Variants in LRRTM4 observed in about 807,000 individuals in gnomAD.
LRRTM4 encodes the protein leucine-rich repeat transmembrane neuronal protein 4.
In LRRTM4, 25 loss-of-function variants were observed where a neutral mutation model predicts 47.6. The observed-to-expected ratio is 0.53, with a 90% CI of 0.38 to 0.73. The LOEUF (loss-of-function observed/expected upper bound fraction) is 0.73, where lower values mean the gene tolerates loss of function less well. Ranked by LOEUF, LRRTM4 falls within the 30% of genes least tolerant of loss-of-function variation. The pLI, the probability that LRRTM4 is intolerant of heterozygous loss-of-function variation, is 0.00. For synonymous variants in LRRTM4, 311 were observed against 269.5 expected, an observed-to-expected ratio of 1.15 and a Z score of -1.51; for missense variants, 638 against 713.4, an observed-to-expected ratio of 0.89 and a Z score of 1.20.
At chr2:77,421,701 C>A (rs1213241442) in intron 3 of LRRTM4, among the ~76,000 whole-genome samples, 1 of 148,804 alleles carries the variant, frequency 6.7e-6, no homozygotes, top group Non-Finnish European at 1.5e-5. Context: ...AGGGAGACTC[C>A]ATCTCAAAAA....
At chr2:77,094,927 A>T (rs949209160) in intron 3 of LRRTM4, among the ~76,000 whole-genome samples, 1 of 152,216 alleles carries the variant, frequency 6.6e-6, no homozygotes, top group Admixed American at 6.5e-5. Flanking sequence ...AAAAATAGAC[A>T]AACTAGATTG....
intron 3 of LRRTM4, among the ~76,000 whole-genome samples, chr2:77,184,824 A>G (rs1558623620): frequency 6.6e-6 from 1 of 152,182 alleles, no homozygotes; most frequent in Non-Finnish European, 1.5e-5. Flanking sequence ...AAAAACCAGA[A>G]AGATACTCTG....
At chr2:77,421,706 CA>C (rs1292134203) in intron 3 of LRRTM4, among the ~76,000 whole-genome samples, 60 of 139,322 alleles carry the variant, frequency 4.3e-4, no homozygotes, top group Admixed American at 5.1e-4. Context: ...GACTCCATCT[CA>C]AAAAAAAAAA....
intron 3 of LRRTM4, among the ~76,000 whole-genome samples, chr2:77,271,981 T>C (rs922101783): frequency 1.3e-5 from 2 of 152,144 alleles, no homozygotes; most frequent in African/African-American, 2.4e-5. Flanking sequence ...ATACTTGCTG[T>C]GTTCATTTGC....
intron 3 of LRRTM4, among the ~76,000 whole-genome samples, chr2:76,910,024 C>G (rs1673992652): frequency 6.6e-6 from 1 of 152,124 alleles, no homozygotes; most frequent in Non-Finnish European, 1.5e-5. Flanking sequence ...GTAAATCATG[C>G]TGCTATAAAG....
intron 3 of LRRTM4, among the ~76,000 whole-genome samples, chr2:77,266,859 T>C (rs1394200801): frequency 1.3e-5 from 2 of 152,060 alleles, no homozygotes; most frequent in African/African-American, 4.8e-5. Flanking sequence ...CAGAGACCTT[T>C]CCCTCTTCTC....
intron 3 of LRRTM4, among the ~76,000 whole-genome samples, chr2:77,464,577 G>A (rs1000546476): frequency 6.6e-6 from 1 of 151,448 alleles, no homozygotes; most frequent in African/African-American, 2.4e-5. Flanking sequence ...TCTTAATTTG[G>A]GCTGTGCACA....
intron 3 of LRRTM4, among the ~76,000 whole-genome samples, chr2:76,907,762 C>G (rs905328212): frequency 7.1e-5 from 9 of 127,316 alleles, no homozygotes; most frequent in South Asian, 2.6e-4. Context: ...ATAAATTCCT[C>G]GACACATACA....
At chr2:77,218,760 A>G (rs563165084) in intron 3 of LRRTM4, among the ~76,000 whole-genome samples, 41 of 152,262 alleles carry the variant, frequency 2.7e-4, no homozygotes, top group African/African-American at 8.9e-4. Flanking sequence ...CAATATAGTA[A>G]GCTTTAATAA....
rs373702438 is a variant in LRRTM4 at position 76,834,874 on chromosome 2, A to G, written c.1552-85958T>C. On this transcript the variant is annotated intron_variant, in intron 3 of 3. Coordinates refer to ENST00000409884, the MANE Select transcript of LRRTM4 (RefSeq NM_001134745.3). ...AATGCCAAGTGAAATTTTGTAGACC[A>G]TGACCAAGAAGAGTTTTTCAGAAGA... Among the ~76,000 whole-genome samples the G allele has an allele frequency of 4.6e-5, 7 of 152,264 alleles. No individual in the cohort carries two copies. In the South Asian group the frequency reaches 1.0e-3, roughly 23 times the overall value.
rs188615490 is a variant in LRRTM4, at chr2:77,110,287, T to G, written c.1552-361371A>C. ...TGAAACTAGTTGGCAACCTAGAATT[T>G]ATGTTCAGCAAAACCACTGTATAAA... is the stretch of plus-strand genomic sequence containing the variant. On this transcript the variant is annotated intron_variant, in intron 3 of 3. Transcript: ENST00000409884. 1.2e-4 allele frequency among the ~76,000 whole-genome samples: 19 copies of G among 152,280 alleles called. No individual in the cohort carries two copies. In the East Asian group the frequency reaches 3.5e-3, roughly 28 times the overall value.
intron 3 of LRRTM4, among the ~76,000 whole-genome samples, chr2:77,095,660 C>T (rs1670792145): frequency 6.6e-6 from 1 of 151,938 alleles, no homozygotes; most frequent in African/African-American, 2.4e-5. Flanking sequence ...CTCAGTTAGC[C>T]ACCACGCCCG....
intron 3 of LRRTM4, among the ~76,000 whole-genome samples, chr2:77,036,347 C>A (rs1490670314): frequency 1.3e-5 from 2 of 151,580 alleles, no homozygotes; most frequent in Non-Finnish European, 3.0e-5. Flanking sequence ...TATTATTATC[C>A]TAGTTTAGGG....
chr2:77,041,885 T>A lies in LRRTM4; in HGVS notation c.1552-292969A>T, dbSNP rs1679046595. On this transcript the variant is annotated intron_variant, in intron 3 of 3. Transcript: ENST00000409884. ...AATATTTTCTGAATATTGAAACAATTCTATAATTTGTATGAAAACACAAAA... is the reference window on the plus strand; with the variant it reads ...AATATTTTCTGAATATTGAAACAATACTATAATTTGTATGAAAACACAAAA... 2.0e-5 allele frequency among the ~76,000 whole-genome samples: 3 copies of A among 147,670 alleles called. No homozygotes were observed. In the South Asian group the frequency reaches 6.5e-4, roughly 32 times the overall value.
At chr2:76,853,828 C>G (rs923335400) in intron 3 of LRRTM4, among the ~76,000 whole-genome samples, 4 of 152,136 alleles carry the variant, frequency 2.6e-5, no homozygotes, top group African/African-American at 4.8e-5. Flanking sequence ...ATTTCTCATA[C>G]TACAGTAGAT....
chr2:76,841,283 G>A (rs1297352671), intron 3 of LRRTM4, among the ~76,000 whole-genome samples: 6 of 151,100 alleles, frequency 4.0e-5, no homozygotes, highest in Non-Finnish European at 5.9e-5. Context: ...TGTGGGGTGG[G>A]GGGAGTGGGG....
intron 3 of LRRTM4, among the ~76,000 whole-genome samples, chr2:77,501,142 A>G (rs967801739): frequency 1.5e-4 from 22 of 150,516 alleles, no homozygotes; most frequent in African/African-American, 5.1e-4. Context: ...ATATATGTAT[A>G]TATATCATTT....
rs149159594 is a variant in LRRTM4 at position 77,201,355 on chromosome 2, G to A, written c.1551+316963C>T. ...TGTTATATTTCCTTGCTTTTGCCTA[G>A]AGTTAGTTAAATTCCATATGCTAAC... is the stretch of plus-strand genomic sequence containing the variant. On this transcript the variant is annotated intron_variant, in intron 3 of 3. Coordinates refer to ENST00000409884, the MANE Select transcript of LRRTM4 (RefSeq NM_001134745.3). Among the ~76,000 whole-genome samples, 541 of 152,092 alleles carry A rather than the reference G, an allele frequency of 3.6e-3. 6 individuals are homozygous for A. The highest frequency in any genetic ancestry group is 0.012 in the African/African-American group (511 of 41,506).
intron 3 of LRRTM4, among the ~76,000 whole-genome samples, chr2:76,861,432 G>C (rs1034763330): frequency 6.6e-6 from 1 of 151,850 alleles, no homozygotes; most frequent in African/African-American, 2.4e-5. Context: ...GAATGGAATT[G>C]TTCCACTTCT....
Sources: allele counts gnomAD v4.1 joint callset (sites outside exome capture counted in the v4.1 genomes callset), GRCh38; gene constraint gnomAD v4.1.1; transcripts MANE v1.5; gene names NCBI Gene and HGNC (gene_info 2026-07-23, HGNC 2026-07-21).